Variants in SPINK2 observed in about 807,000 individuals in gnomAD.
SPINK2 encodes the protein serine protease inhibitor Kazal-type 2.
SPINK2 carries 8 observed loss-of-function variants against 13.5 expected under a neutral mutation model. The observed-to-expected ratio is 0.59, with a 90% confidence interval of 0.35 to 1.07. The LOEUF (loss-of-function observed/expected upper bound fraction) is 1.07. Among genes scored for constraint, SPINK2 ranks in the 50% least tolerant of loss-of-function variants. The pLI is 0.02. For missense variants in SPINK2, 148 were observed against 180.3 expected, an observed-to-expected ratio of 0.82 and a Z score of 1.03; for synonymous variants, 76 against 74.7, an observed-to-expected ratio of 1.02 and a Z score of -0.09.
intron 2 of SPINK2, 26 bp downstream of exon 2, chr4:56,820,510 A>G: frequency 6.3e-7 from 1 of 1,592,066 alleles, no homozygotes; most frequent in Non-Finnish European, 8.6e-7. Context: ...TATTAGTAGA[A>G]ACAGTAGAAG....
At position 56,811,475 on chromosome 4, in the gene SPINK2, A is replaced by G. The variant is rs147575982; in HGVS notation, c.359+210T>C. On this transcript the variant is annotated intron_variant, in intron 3 of 3. Transcript: ENST00000506738. ...CTCTACTAAAATTAAAAATTAGCCA[A>G]GCGTGGTGGCAGGTGCCTGTAATCC... Among the ~76,000 whole-genome samples the G allele has an allele frequency of 6.7e-3, 1,016 of 152,020 alleles. 15 individuals are homozygous for G. The highest frequency in any genetic ancestry group is 0.022 in the African/African-American group (931 of 41,462).
chr4:56,820,635 C>A, intron 1 of SPINK2, 56 bp from the exon 2 acceptor site: 5 of 1,396,044 alleles, frequency 3.6e-6, no homozygotes, highest in Admixed American at 1.9e-5. Flanking sequence ...AGGTATTGTT[C>A]ATGAAGTTTT....
At chr4:56,813,821 G>A (rs1717198061) in intron 2 of SPINK2, among the ~76,000 whole-genome samples, 1 of 150,714 alleles carries the variant, frequency 6.6e-6, no homozygotes, top group Admixed American at 6.6e-5. Context: ...GTTTCACCAT[G>A]TTAGCCAGGC....
chr4:56,816,260 A>C (rs1560415691), intron 2 of SPINK2, among the ~76,000 whole-genome samples: 1 of 151,556 alleles, frequency 6.6e-6, no homozygotes, highest in Non-Finnish European at 1.5e-5. Context: ...AAAGAATAAA[A>C]CATCTCTAGG....
At chr4:56,810,251 G>C in intron 3 of SPINK2, 67 bp from the exon 4 acceptor site, 1 of 1,360,104 alleles carries the variant, frequency 7.4e-7, no homozygotes, top group Non-Finnish European at 1.0e-6. Context: ...CATTATTTGT[G>C]TTAAAAAGAC....
At chr4:56,819,573 C>A (rs969930656) in intron 2 of SPINK2, among the ~76,000 whole-genome samples, 31 of 151,856 alleles carry the variant, frequency 2.0e-4, no homozygotes, top group African/African-American at 7.0e-4. Flanking sequence ...AAAACAATAA[C>A]CCCTTTAACA....
At chr4:56,818,968 ATGT>A (rs1337859697) in intron 2 of SPINK2, among the ~76,000 whole-genome samples, 4 of 152,144 alleles carry the variant, frequency 2.6e-5, no homozygotes, top group Non-Finnish European at 5.9e-5. Context: ...TTACAACCTA[ATGT>A]TGTGACAGGG....
chr4:56,816,434 T>C (rs1717454644), intron 2 of SPINK2, among the ~76,000 whole-genome samples: 1 of 151,758 alleles, frequency 6.6e-6, no homozygotes. Flanking sequence ...GGAGGATCAC[T>C]TGAGGTCAGG....
chr4:56,813,536 C>T (rs13133855), intron 2 of SPINK2, among the ~76,000 whole-genome samples: 12,175 of 150,980 alleles, frequency 0.081, 600 homozygotes, highest in South Asian at 0.11. Context: ...GTCAGGTCAG[C>T]GATGGCATTA....
rs1348399828 is a variant in SPINK2 at position 56,819,273 on chromosome 4, G to GTT, written c.249+1262_249+1263insAA. Among the ~76,000 whole-genome samples the GTT allele has an allele frequency of 2.7e-3, 416 of 152,266 alleles. 2 individuals carry two copies. The highest frequency in any genetic ancestry group is 9.6e-3 in the African/African-American group (401 of 41,556). The stretch of plus-strand genomic sequence containing the variant: ...TAGAGGAAGGGAATCGCGTGGGAAG[G>GTT]CTTCCTGGAAGAAGCCTACTCTGAG... On this transcript the variant is annotated intron_variant, in intron 2 of 3. Coordinates refer to ENST00000506738, the MANE Select transcript of SPINK2 (RefSeq NM_001271718.2).
In SPINK2 at chr4:56,821,677, G is replaced by T; in HGVS notation, c.-15C>A. 2.0e-6 allele frequency: 3 copies of T among 1,518,866 alleles called. No homozygotes were observed. The highest frequency in any genetic ancestry group is 1.8e-6 in the Non-Finnish European group (2 of 1,136,664). The allele number at this position is 1,518,866 out of a possible 1,614,324, so 94.1% of individuals were successfully genotyped here. On this transcript the variant is annotated 5_prime_UTR_variant, in exon 1 of 4. Transcript: ENST00000506738. The stretch of plus-strand genomic sequence containing the variant: ...GACAGCGCCATCCTCCTCCCGCGCC[G>T]GCTGTCTTGCCCCTGCGGTCTGTTA...
Position 56,821,431 on chromosome 4 carries a change from C to G in SPINK2, c.205+27G>C, listed in dbSNP as rs146105428. ...GTGGCTGACTCCACAAAGCCACCCC[C>G]ACAACCCCCAGTTCGCGTTCCTCCA... On this transcript the variant is annotated intron_variant, in intron 1 of 3. Coordinates refer to ENST00000506738, the MANE Select transcript of SPINK2 (RefSeq NM_001271718.2). The G allele has an allele frequency of 3.7e-3, 5,587 of 1,490,632 alleles. 10 individuals carry two copies. Among genetic ancestry groups the G allele is most frequent in the Non-Finnish European group, 4.4e-3 (4,901 of 1,125,048 alleles). The allele number at this position is 1,490,632 out of a possible 1,614,324, so 92.3% of individuals were successfully genotyped here. A position where few individuals can be genotyped will look rare whatever the true frequency, so the allele number is the denominator to read the frequency against.
chr4:56,818,781 G>A (rs1051383575), intron 2 of SPINK2, among the ~76,000 whole-genome samples: 4 of 152,136 alleles, frequency 2.6e-5, no homozygotes, highest in Admixed American at 6.6e-5. Flanking sequence ...GCCTTGAAAC[G>A]AAGGTACCAT....
chr4:56,820,717 T>C, intron 1 of SPINK2, 138 bp from the exon 2 acceptor site: 2 of 644,762 alleles, frequency 3.1e-6, no homozygotes, highest in South Asian at 2.0e-5. Flanking sequence ...GCGATCTTCC[T>C]GCCTAGGCCT....
intron 2 of SPINK2, among the ~76,000 whole-genome samples, chr4:56,819,200 G>A (rs543133249): frequency 5.3e-5 from 8 of 152,218 alleles, no homozygotes; most frequent in Admixed American, 4.6e-4. Flanking sequence ...TGATGATGCA[G>A]TATAGGTAAG....
intron 2 of SPINK2, among the ~76,000 whole-genome samples, chr4:56,812,357 C>T (rs978587385): frequency 6.6e-6 from 1 of 151,366 alleles, no homozygotes; most frequent in South Asian, 2.1e-4. Flanking sequence ...GAGTTCGAGA[C>T]CAGTCTGACC....
chr4:56,821,370 G>C lies in SPINK2; in HGVS notation c.205+88C>G, dbSNP rs1000615499. ...GCGCTCTAGATGGCAGGTGTCCTTA[G>C]AGCTGGGAGCGAAGCCCAAGCAAGA... On this transcript the variant is annotated intron_variant, in intron 1 of 3. Transcript: ENST00000506738. 7.6e-5 allele frequency: 107 copies of C among 1,416,818 alleles called. No homozygotes were observed. The East Asian group carries it at 8.0e-4, about 11-fold the overall frequency. 87.8% of individuals were successfully genotyped at this position (1,416,818 alleles called of 1,614,324 possible).
intron 3 of SPINK2, among the ~76,000 whole-genome samples, chr4:56,811,162 G>C (rs1263324662): frequency 5.3e-5 from 8 of 152,154 alleles, no homozygotes; most frequent in Non-Finnish European, 1.0e-4. Context: ...CTGGCCTATA[G>C]TTGACTAATC....
At chr4:56,816,909 AAAAC>A (rs1717501713) in intron 2 of SPINK2, among the ~76,000 whole-genome samples, 1 of 151,536 alleles carries the variant, frequency 6.6e-6, no homozygotes, top group African/African-American at 2.4e-5. Flanking sequence ...ATAAAAAAAT[AAAAC>A]ATCTAGAAAG....
Sources: allele counts gnomAD v4.1 joint callset (sites outside exome capture counted in the v4.1 genomes callset), GRCh38; gene constraint gnomAD v4.1.1; transcripts MANE v1.5; gene names NCBI Gene and HGNC (gene_info 2026-07-23, HGNC 2026-07-21).